Variants in WDR33 observed in about 807,000 individuals in gnomAD.
WDR33 encodes the protein pre-mRNA 3' end processing protein WDR33.
In WDR33, 47 loss-of-function variants were observed where a neutral mutation model predicts 164.9. The observed-to-expected ratio is 0.29, with a 90% confidence interval of 0.23 to 0.36. WDR33 has a LOEUF of 0.36. WDR33 is among the 10% of genes least tolerant of loss of function. The pLI is 1.00. For missense variants in WDR33, 1,137 were observed against 1,754.1 expected (o/e 0.65, Z 6.28); for synonymous variants, 505 against 589.0 (o/e 0.86, Z 2.06).
chr2:127,701,326 C>A lies in WDR33; in HGVS notation c.*4997G>T. 2.5e-6 allele frequency: 1 copy of A among 405,364 alleles called. No individual in the cohort carries two copies. The highest frequency in any genetic ancestry group is 4.1e-6 in the Non-Finnish European group (1 of 242,170). The allele number at this position is 405,364 out of a possible 1,614,324, so 25.1% of individuals were successfully genotyped here. A position where few individuals can be genotyped will look rare whatever the true frequency, so the allele number is the denominator to read the frequency against. On this transcript the variant is annotated 3_prime_UTR_variant, in exon 22 of 22. Transcript: ENST00000322313. ...GGGTCAGGCGCTGGGAGGGCGACTG[C>A]AAGCGGACAGGCAGCACCTGCGACC...
intron 1 of WDR33, 76 bp from the exon 2 acceptor site, chr2:127,771,080 CT>C: frequency 9.1e-7 from 1 of 1,104,042 alleles, no homozygotes; most frequent in Non-Finnish European, 1.3e-6. Flanking sequence ...TAAATGAACA[CT>C]TTTTACATTT....
chr2:127,788,469 G>A (rs1454403380), intron 1 of WDR33, among the ~76,000 whole-genome samples: 2 of 132,634 alleles, frequency 1.5e-5, no homozygotes, highest in Non-Finnish European at 1.6e-5. Context: ...GGCCGGGCGG[G>A]GGGCTGACAC....
At chr2:127,771,823 T>A (rs1464956423) in intron 1 of WDR33, among the ~76,000 whole-genome samples, 1 of 151,916 alleles carries the variant, frequency 6.6e-6, no homozygotes, top group African/African-American at 2.4e-5. Flanking sequence ...AGGGGAAGAC[T>A]AATTCACAGA....
In WDR33 at chr2:127,724,276, C is replaced by A. The variant is rs1292581252; in HGVS notation, c.1196+57G>T. On this transcript the variant is annotated intron_variant, in intron 11 of 21. Coordinates refer to ENST00000322313, the MANE Select transcript of WDR33 (RefSeq NM_018383.5). The surrounding 1 kb of genome is among the most constrained non-coding windows in gnomAD (Gnocchi z 4.8). ...ATCAACCAATAAAAATAAACACATA[C>A]AGTATTTATTTCCTGTTGCTCCATA... The A allele has an allele frequency of 1.6e-6, 2 of 1,275,068 alleles. No individual in the cohort carries two copies. The highest frequency in any genetic ancestry group is 2.3e-6 in the Non-Finnish European group (2 of 884,968). The allele number at this position is 1,275,068 out of a possible 1,614,324, so 79.0% of individuals were successfully genotyped here. A position where few individuals can be genotyped will look rare whatever the true frequency, so the allele number is the denominator to read the frequency against.
intron 1 of WDR33, among the ~76,000 whole-genome samples, chr2:127,771,267 G>A (rs551588794): frequency 2.0e-4 from 30 of 152,194 alleles, no homozygotes; most frequent in Non-Finnish European, 3.5e-4. Flanking sequence ...TACTACACAC[G>A]TAGGCTACAC....
chr2:127,721,894 T>C lies in WDR33; in HGVS notation c.1613A>G (p.Gln538Arg). 2 of 1,614,056 alleles carry C rather than the reference T, an allele frequency of 1.2e-6. No individual in the cohort carries two copies. Among genetic ancestry groups the C allele is most frequent in the Non-Finnish European group, 1.7e-6 (2 of 1,180,014 alleles). The change falls in exon 15 of 22, where the codon CAA (glutamine) becomes CGA (arginine). Residue 538 changes from glutamine (Q) to arginine (R), a missense_variant. Physicochemically the swap from Gln to Arg is conservative, Grantham distance 43. Around this residue, in one of 9 missense-constraint regions of WDR33, gnomAD observed 75 missense variants for 124.7 expected, o/e 0.60. Transcript: ENST00000322313. This position sits in a 1 kb window ranked among gnomAD's most constrained non-coding sequence, Gnocchi z 4.9. The part of the protein sequence containing the change: ...DIKLEEKKKT[Q>R]AEIEQEMATL... ...AGCCATTTCTTGCTCAATTTCTGCT[T>C]GTGTTTTTTTCTTCTCTTCCAATTT...
At chr2:127,748,980 ATGCACTCTTTTGATGAAAGAT>A (rs1027601446) in intron 7 of WDR33, among the ~76,000 whole-genome samples, 2 of 152,060 alleles carry the variant, frequency 1.3e-5, no homozygotes, top group Non-Finnish European at 1.5e-5. Context: ...AGATTTTCAT[ATGCACTCTTTTGATGAAAGAT>A]TTTTAAAATT....
At chr2:127,761,207 A>C (rs1457841864) in intron 7 of WDR33, among the ~76,000 whole-genome samples, 6 of 152,052 alleles carry the variant, frequency 3.9e-5, no homozygotes, top group Admixed American at 1.3e-4. Flanking sequence ...CTCTAGAATT[A>C]CTTTTTTTTT....
rs1288131806 is a variant in WDR33, at chr2:127,761,149, ATCAGACT to A, written c.724+1906_724+1912del. 2.0e-5 allele frequency among the ~76,000 whole-genome samples: 3 copies of A among 152,270 alleles called. No homozygotes were observed. The East Asian group carries it at 5.8e-4, about 29-fold the overall frequency. The stretch of plus-strand genomic sequence containing the variant: ...AATCCAAGCAGCAAAGTGGTTTTAG[ATCAGACT>A]TCAGTTAATACAGTCCACTGTAAAA... On this transcript the variant is annotated intron_variant, in intron 7 of 21. Transcript: ENST00000322313.
In WDR33 at chr2:127,721,766, C is replaced by T; in HGVS notation, c.1671+70G>A. On this transcript the variant is annotated intron_variant, in intron 15 of 21. Transcript: ENST00000322313. The surrounding 1 kb of genome is among the most constrained non-coding windows in gnomAD (Gnocchi z 4.9). ...GAGCCCCTTCCCTTTTCCTTAAGAG[C>T]CTATCAATAAAAATGTCACCACTAC... 2.0e-6 allele frequency: 3 copies of T among 1,481,770 alleles called. No individual in the cohort carries two copies. Among genetic ancestry groups the T allele is most frequent in the Non-Finnish European group, 1.8e-6 (2 of 1,109,254 alleles). The allele number at this position is 1,481,770 out of a possible 1,614,324, so 91.8% of individuals were successfully genotyped here. A position where few individuals can be genotyped will look rare whatever the true frequency, so the allele number is the denominator to read the frequency against.
Position 127,746,424 on chromosome 2 carries a change from A to G in WDR33, c.724+16638T>C, listed in dbSNP as rs377564616. Among the ~76,000 whole-genome samples, 6 of 152,250 alleles carry G rather than the reference A, an allele frequency of 3.9e-5. No homozygotes were observed. In the East Asian group the frequency reaches 1.2e-3, roughly 29 times the overall value. ...CTCCTCTTAAATCAAATTAAGTAAA[A>G]TATGTTATTTTCTTTACTCCTATCT... On this transcript the variant is annotated intron_variant, in intron 7 of 21. Coordinates refer to ENST00000322313, the MANE Select transcript of WDR33 (RefSeq NM_018383.5).
intron 4 of WDR33, among the ~76,000 whole-genome samples, chr2:127,765,771 C>T (rs1687802020): frequency 6.6e-6 from 1 of 150,986 alleles, no homozygotes; most frequent in Non-Finnish European, 1.5e-5. Flanking sequence ...GGCTTTCAAA[C>T]TCTTCCTGCA....
At chr2:127,777,168 G>GA (rs1688214501) in intron 1 of WDR33, among the ~76,000 whole-genome samples, 1 of 152,330 alleles carries the variant, frequency 6.6e-6, no homozygotes, top group East Asian at 1.9e-4. Flanking sequence ...GAATCTGTGT[G>GA]AAACACTGAA....
chr2:127,715,238 C>G (rs1412969866), intron 17 of WDR33, among the ~76,000 whole-genome samples: 3 of 151,824 alleles, frequency 2.0e-5, no homozygotes, highest in South Asian at 2.1e-4. Flanking sequence ...ATTACAGGTA[C>G]CACGCCCGGC....
intron 1 of WDR33, among the ~76,000 whole-genome samples, chr2:127,788,399 C>T (rs1194577973): frequency 8.1e-6 from 1 of 124,038 alleles, no homozygotes; most frequent in Non-Finnish European, 1.7e-5. Flanking sequence ...ACCTCCCGGA[C>T]GGGGCGGCTG....
intron 7 of WDR33, among the ~76,000 whole-genome samples, chr2:127,742,010 G>A (rs1324950093): frequency 3.3e-5 from 5 of 151,364 alleles, no homozygotes; most frequent in African/African-American, 9.7e-5. Context: ...AGATCAGCCT[G>A]GCCAACATAA....
At chr2:127,771,871 C>T (rs1688014985) in intron 1 of WDR33, among the ~76,000 whole-genome samples, 1 of 151,930 alleles carries the variant, frequency 6.6e-6, no homozygotes, top group Non-Finnish European at 1.5e-5. Context: ...AATTCAGCCT[C>T]GTGAAGAAAA....
At chr2:127,807,118 C>A (rs1689465802) in intron 1 of WDR33, among the ~76,000 whole-genome samples, 1 of 152,158 alleles carries the variant, frequency 6.6e-6, no homozygotes, top group African/African-American at 2.4e-5. Context: ...AATTCTCTTG[C>A]CTCAGCTTCC....
intron 7 of WDR33, chr2:127,737,774 G>A (rs1263542968): frequency 3.9e-6 from 5 of 1,286,988 alleles, no homozygotes; most frequent in Admixed American, 4.2e-5. Context: ...AGGTAGAGGT[G>A]AATGAACAAG....
Sources: gnomAD v4.1 joint callset for allele counts (sites outside exome capture counted in the v4.1 genomes callset) on GRCh38, gnomAD v4.1.1 for gene constraint, gnomAD v4.1.1 regional missense constraint, Gnocchi (gnomAD v3.1) non-coding constraint, MANE v1.5 for transcripts, NCBI Gene and HGNC (gene_info 2026-07-23, HGNC 2026-07-21) for gene names.